Variants in STK32C observed in about 807,000 individuals in gnomAD.
STK32C encodes the protein serine/threonine kinase 32C.
In STK32C, 31 loss-of-function variants were observed where a neutral mutation model predicts 56.5. The observed-to-expected ratio is 0.55, with a 90% CI of 0.41 to 0.74. STK32C has a LOEUF of 0.74. Ranked by LOEUF, STK32C falls within the 30% of genes least tolerant of loss-of-function variation. The pLI is 0.00. For missense variants in STK32C, 544 were observed against 676.9 expected (o/e 0.80, Z 2.18); for synonymous variants, 309 against 289.4 (o/e 1.07, Z -0.69).
intron 1 of STK32C, among the ~76,000 whole-genome samples, chr10:132,270,373 C>T (rs1037448235): frequency 1.3e-5 from 2 of 152,238 alleles, no homozygotes; most frequent in Admixed American, 6.5e-5. Flanking sequence ...AAGTGAAGCA[C>T]GGGCCCACGC....
chr10:132,224,273 G>A, intron 8 of STK32C, 134 bp downstream of exon 8: 2 of 688,124 alleles, frequency 2.9e-6, no homozygotes, highest in South Asian at 3.4e-5. Context: ...GCCCCCACAG[G>A]TTGCAGTGAA....
intron 2 of STK32C, among the ~76,000 whole-genome samples, chr10:132,235,483 A>C (rs2063247941): frequency 1.3e-5 from 1 of 78,732 alleles, no homozygotes; most frequent in Non-Finnish European, 2.6e-5. Context: ...CAACAGAGCA[A>C]GACTCAGCCT....
At chr10:132,297,833 C>T (rs1460640008) in intron 1 of STK32C, among the ~76,000 whole-genome samples, 2 of 152,230 alleles carry the variant, frequency 1.3e-5, no homozygotes, top group Non-Finnish European at 2.9e-5. Flanking sequence ...GTCTCTGGGG[C>T]TTTATTTTCC....
chr10:132,218,900 C>A (rs894953113), intron 10 of STK32C, among the ~76,000 whole-genome samples: 1 of 152,184 alleles, frequency 6.6e-6, no homozygotes, highest in Non-Finnish European at 1.5e-5. Context: ...CAGGCTACAA[C>A]GTGGACGGGC....
At chr10:132,242,734 C>T (rs1201496714) in intron 2 of STK32C, among the ~76,000 whole-genome samples, 2 of 152,176 alleles carry the variant, frequency 1.3e-5, no homozygotes, top group African/African-American at 2.4e-5. Flanking sequence ...TTTTCCCCCA[C>T]GATGCCCTGC....
At chr10:132,282,607 C>CT (rs2065249986) in intron 1 of STK32C, among the ~76,000 whole-genome samples, 1 of 152,224 alleles carries the variant, frequency 6.6e-6, no homozygotes, top group African/African-American at 2.4e-5. Context: ...AAGTGACATA[C>CT]TAAACACTAC....
upstream of STK32C, chr10:132,332,109 C>G: frequency 4.7e-6 from 1 of 213,956 alleles, no homozygotes; most frequent in Non-Finnish European, 9.2e-6. Flanking sequence ...GCAGGCGCAT[C>G]ACAGACACAC....
At chr10:132,227,043 C>T in intron 3 of STK32C, 75 bp from the exon 4 acceptor site, 2 of 1,541,950 alleles carry the variant, frequency 1.3e-6, no homozygotes, top group Non-Finnish European at 1.8e-6. Flanking sequence ...AGCTGACACA[C>T]TCCCCCTAAG....
intron 3 of STK32C, 101 bp from the exon 4 acceptor site, chr10:132,227,069 C>T: frequency 7.5e-7 from 1 of 1,326,104 alleles, no homozygotes; most frequent in Non-Finnish European, 1.0e-6. Context: ...CAGCCCCACC[C>T]CAGCATCAGC....
intron 1 of STK32C, among the ~76,000 whole-genome samples, chr10:132,296,868 G>A (rs113569570): frequency 0.047 from 7,219 of 152,324 alleles, 232 homozygotes; most frequent in Non-Finnish European, 0.072. Flanking sequence ...GCAGGCCCGC[G>A]CCCTCTGGGA....
In STK32C at chr10:132,307,619, A is replaced by T. The variant is rs764880634; in HGVS notation, c.215T>A (p.Met72Lys). ...SKWKKRMGSS[M>K]SAATARRPVF... ...CGGCCTCCGCGCGGTGGCCGCCGACATGGACGAGCCCATCCTCTTCTTCCA... is the reference window on the plus strand; with the variant it reads ...CGGCCTCCGCGCGGTGGCCGCCGACTTGGACGAGCCCATCCTCTTCTTCCA... Residue 72 changes from methionine (M) to lysine (K), a missense_variant, in exon 1 of 12, where the codon ATG becomes AAG. Transcript: ENST00000298630. This position sits in a 1 kb window ranked among gnomAD's most constrained non-coding sequence, Gnocchi z 4.4. 1 of 1,560,386 alleles carries T rather than the reference A, an allele frequency of 6.4e-7. No individual in the cohort carries two copies. Among genetic ancestry groups the T allele is most frequent in the Non-Finnish European group, 8.6e-7 (1 of 1,156,742 alleles).
intron 1 of STK32C, among the ~76,000 whole-genome samples, chr10:132,257,845 G>A (rs1250068585): frequency 6.6e-6 from 1 of 152,036 alleles, no homozygotes; most frequent in African/African-American, 2.4e-5. Context: ...ACCTGCAGGT[G>A]GGACTCAGGG....
downstream of STK32C, among the ~76,000 whole-genome samples, chr10:132,322,343 T>G (rs1286648581): frequency 6.6e-6 from 1 of 152,252 alleles, no homozygotes; most frequent in Non-Finnish European, 1.5e-5. Flanking sequence ...TCATTGGATG[T>G]AAGAGTCGCC....
chr10:132,208,487 G>C (rs1226672363), intron 11 of STK32C, among the ~76,000 whole-genome samples: 1 of 152,206 alleles, frequency 6.6e-6, no homozygotes, highest in East Asian at 1.9e-4. Flanking sequence ...GTGCCAGTCA[G>C]TGCCCTCAGC....
At chr10:132,269,461 T>C (rs1020006840) in intron 1 of STK32C, among the ~76,000 whole-genome samples, 2 of 152,160 alleles carry the variant, frequency 1.3e-5, no homozygotes, top group African/African-American at 2.4e-5. Context: ...TGCTGGCTGC[T>C]GCAGGAGGAC....
At chr10:132,235,732 C>T (rs1035738328) in intron 2 of STK32C, among the ~76,000 whole-genome samples, 1 of 151,940 alleles carries the variant, frequency 6.6e-6, no homozygotes, top group South Asian at 2.1e-4. Flanking sequence ...CGGTCACGGA[C>T]CCACCTCACT....
intron 1 of STK32C, among the ~76,000 whole-genome samples, chr10:132,281,918 C>T (rs1047438064): frequency 4.6e-5 from 7 of 152,206 alleles, no homozygotes; most frequent in Non-Finnish European, 1.0e-4. Context: ...GAAGAGAGCT[C>T]CTCAGACGGG....
At position 132,284,464 on chromosome 10, in the gene STK32C, G is replaced by C. The variant is rs971882908; in HGVS notation, c.262+23108C>G. 3.3e-5 allele frequency among the ~76,000 whole-genome samples: 5 copies of C among 150,456 alleles called. No individual in the cohort carries two copies. The East Asian group carries it at 9.8e-4, about 29-fold the overall frequency. On this transcript the variant is annotated intron_variant, in intron 1 of 11. Coordinates refer to ENST00000298630, the MANE Select transcript of STK32C (RefSeq NM_173575.4). The stretch of plus-strand genomic sequence containing the variant: ...GAGGGCAGGTGAGGTTGGGAGGGCA[G>C]GTGAGGTTGGGAGGGCAGCAGATTC...
intron 1 of STK32C, among the ~76,000 whole-genome samples, chr10:132,275,102 G>C (rs1308342185): frequency 6.6e-6 from 1 of 152,166 alleles, no homozygotes; most frequent in African/African-American, 2.4e-5. Context: ...CACCCAGGGG[G>C]CCCAGGCAGC....
Sources: gnomAD v4.1 joint callset for allele counts (sites outside exome capture counted in the v4.1 genomes callset) on GRCh38, gnomAD v4.1.1 for gene constraint, Gnocchi (gnomAD v3.1) non-coding constraint, MANE v1.5 for transcripts, NCBI Gene and HGNC (gene_info 2026-07-23, HGNC 2026-07-21) for gene names.